NLRC5: variants seen among roughly 807,000 people sequenced by gnomAD.
NLRC5 encodes NLR family CARD domain containing 5, also known as protein NLRC5.
NLRC5 carries 114 observed loss-of-function variants against 206.9 expected under a neutral mutation model. The ratio of observed to expected loss-of-function variants is 0.55; its 90% confidence interval spans 0.47 to 0.64. NLRC5 has a LOEUF of 0.64. NLRC5 is among the 30% of genes least tolerant of loss of function. NLRC5 has a pLI of 0.00. For missense variants in NLRC5, 2,008 were observed against 2,305.5 expected (o/e 0.87, Z 2.64); for synonymous variants, 952 against 962.8 (o/e 0.99, Z 0.21).
At chr16:57,011,412 CA>C (rs34846080) in intron 1 of NLRC5, among the ~76,000 whole-genome samples, 25,530 of 120,538 alleles carry the variant, frequency 0.21, 2,533 homozygotes, top group East Asian at 0.29. Flanking sequence ...GACTCCGTCT[CA>C]AAAAAAAAAA....
intron 22 of NLRC5, 82 bp from the exon 23 acceptor site, chr16:57,047,463 G>T: frequency 8.1e-7 from 1 of 1,230,960 alleles, no homozygotes. Context: ...GAGGGATGCT[G>T]GGAGAAGGAT....
chr16:57,047,581 C>A lies in NLRC5; in HGVS notation c.3375C>A (p.Thr1125=). 1 of 1,613,656 alleles carries A rather than the reference C, an allele frequency of 6.2e-7. No individual in the cohort carries two copies. Among genetic ancestry groups the A allele is most frequent in the Non-Finnish European group, 8.5e-7 (1 of 1,179,808 alleles). ...SECPLEPPSL[T]RLCATLKDCP... ...GTCCTCTGGAGCCCCCAAGCCTCACCCGCCTCTGTGCCACTCTGAAGGACT... is the reference window on the plus strand; with the variant it reads ...GTCCTCTGGAGCCCCCAAGCCTCACACGCCTCTGTGCCACTCTGAAGGACT... Residue 1125 remains threonine, a synonymous_variant, in exon 23 of 49, where the codon ACC becomes ACA. Transcript: ENST00000688547.
intron 24 of NLRC5, among the ~76,000 whole-genome samples, chr16:57,052,238 C>A (rs1173253445): frequency 2.6e-5 from 4 of 152,116 alleles, no homozygotes; most frequent in African/African-American, 9.7e-5. Flanking sequence ...TTTGGGAGGC[C>A]GAGGCGGGCA....
At position 57,079,152 on chromosome 16, in the gene NLRC5, G is replaced by T. The variant is rs756863589; in HGVS notation, c.5165+19G>T. On this transcript the variant is annotated intron_variant, in intron 44 of 48. Coordinates refer to ENST00000688547, the MANE Select transcript of NLRC5 (RefSeq NM_001384950.1). ...AGATCAGGTAAGTAGGGGCTGCCCA[G>T]CCCAGGCACGGGGACAGTCCTGGGC... 3.1e-6 allele frequency: 5 copies of T among 1,614,022 alleles called. No individual in the cohort carries two copies. Among genetic ancestry groups the T allele is most frequent in the Non-Finnish European group, 8.5e-7 (1 of 1,179,956 alleles).
rs1463066922 is a variant in NLRC5 at position 57,031,539 on chromosome 16, G to A, written c.2477+76G>A. The stretch of plus-strand genomic sequence containing the variant: ...GGCTCAGGCAGTTGAGGGGAAAGGT[G>A]ACCAAGAGACTAGGAAGAGCTGGGG... On this transcript the variant is annotated intron_variant, in intron 11 of 48. Transcript: ENST00000688547. 2.9e-6 allele frequency: 4 copies of A among 1,371,130 alleles called. No homozygotes were observed. In the African/African-American group the frequency reaches 4.3e-5, roughly 15 times the overall value. 84.9% of individuals were successfully genotyped at this position (1,371,130 alleles called of 1,614,324 possible). A position where few individuals can be genotyped will look rare whatever the true frequency, so the allele number is the denominator to read the frequency against.
intron 23 of NLRC5, 116 bp from the exon 24 acceptor site, chr16:57,051,422 G>C (rs1173862201): frequency 1.3e-6 from 1 of 745,692 alleles, no homozygotes; most frequent in Non-Finnish European, 2.4e-6. Context: ...TGCTGGGAGG[G>C]AATGTTTCAG....
intron 40 of NLRC5, 87 bp from the exon 41 acceptor site, chr16:57,077,209 G>A: frequency 2.4e-6 from 3 of 1,231,582 alleles, no homozygotes; most frequent in Non-Finnish European, 3.6e-6. Flanking sequence ...CCCTTCCTGG[G>A]ACTTCAGCCT....
chr16:57,021,051 T>C (rs2060615339), intron 3 of NLRC5, 44 bp downstream of exon 3: 1 of 1,587,134 alleles, frequency 6.3e-7, no homozygotes, highest in Non-Finnish European at 8.6e-7. Context: ...GGCCAGTACC[T>C]GCGTCATGGG....
chr16:56,993,459 C>T (rs80103996), intron 1 of NLRC5, among the ~76,000 whole-genome samples: 6,549 of 152,028 alleles, frequency 0.043, 219 homozygotes, highest in South Asian at 0.11. Context: ...ATTTTTCATA[C>T]GTGGGAGTGA....
At chr16:57,069,782 T>C (rs1486775773) in intron 36 of NLRC5, 54 bp from the exon 37 acceptor site, 3 of 1,463,456 alleles carry the variant, frequency 2.0e-6, no homozygotes, top group Non-Finnish European at 2.8e-6. Context: ...CATTCAGAGC[T>C]CCCAAGACCC....
Position 57,074,645 on chromosome 16 carries a change from T to C in NLRC5, c.4713T>C (p.Thr1571=). ...LLNSSTLALL[T]HRLSQMTCLQ... ...ACAGCTCCACCTTGGCCTTGCTTAC[T>C]CACAGACTAAGCCAGATGACCTGCC... The change falls in exon 39 of 49, where the codon ACT becomes ACC. Residue 1571 remains threonine (T), a synonymous_variant. Coordinates refer to ENST00000688547, the MANE Select transcript of NLRC5 (RefSeq NM_001384950.1). 1 of 1,613,934 alleles carries C rather than the reference T, an allele frequency of 6.2e-7. No homozygotes were observed. The highest frequency in any genetic ancestry group is 1.1e-5 in the South Asian group (1 of 91,084).
rs776063441 is a variant in NLRC5, at chr16:57,058,050, C to T, written c.3747-15C>T. 1.9e-6 allele frequency: 3 copies of T among 1,608,464 alleles called. No homozygotes were observed. Among genetic ancestry groups the T allele is most frequent in the Non-Finnish European group, 2.5e-6 (3 of 1,176,922 alleles). On this transcript the variant is annotated splice_polypyrimidine_tract_variant and intron_variant, in intron 27 of 48. Transcript: ENST00000688547. ...GGCACCTCTGATCCCCGCCACTGCT[C>T]CTTACCCCCTACAGTCTCTCAGCAA...
At chr16:56,999,634 C>T (rs1214790337) in intron 1 of NLRC5, among the ~76,000 whole-genome samples, 1 of 152,244 alleles carries the variant, frequency 6.6e-6, no homozygotes, top group African/African-American at 2.4e-5. Context: ...AGAGTTGGGG[C>T]ACGAGGTGCC....
At chr16:57,080,878 ACAACGT>A in intron 46 of NLRC5, 1 of 538,898 alleles carries the variant, frequency 1.9e-6, no homozygotes, top group South Asian at 2.5e-5. Context: ...CATCTTGTGA[ACAACGT>A]CATGATTCAA....
At chr16:57,042,922 A>G (rs1331726917) in intron 19 of NLRC5, among the ~76,000 whole-genome samples, 1 of 152,142 alleles carries the variant, frequency 6.6e-6, no homozygotes, top group East Asian at 1.9e-4. Context: ...GAAGGAAGGA[A>G]GGTCTAACCA....
chr16:57,066,558 C>T lies in NLRC5; in HGVS notation c.4266C>T (p.Leu1422=). The T allele has an allele frequency of 6.2e-7, 1 of 1,614,084 alleles. No homozygotes were observed. The highest frequency in any genetic ancestry group is 8.5e-7 in the Non-Finnish European group (1 of 1,180,016). ...GCATCTCCGAGACCCAGCAGCAGCT[C>T]TGTGTCCAGCTGGAATTTCCTCGCC... ...EISISETQQQ[L]CVQLEFPRQE... The change falls in exon 34 of 49, where the codon CTC becomes CTT. Residue 1422 remains leucine (L), a synonymous_variant. Transcript: ENST00000688547.
intron 39 of NLRC5, 51 bp from the exon 40 acceptor site, chr16:57,076,768 A>C: frequency 1.3e-6 from 2 of 1,535,592 alleles, no homozygotes; most frequent in East Asian, 2.2e-5. Context: ...CAGCACCTGC[A>C]AAGGCCTTTA....
At chr16:57,049,518 A>G (rs1349753194) in intron 23 of NLRC5, among the ~76,000 whole-genome samples, 2 of 151,854 alleles carry the variant, frequency 1.3e-5, no homozygotes, top group African/African-American at 4.8e-5. Flanking sequence ...TGGCTGGATC[A>G]TGAGGTCAGG....
chr16:57,066,693 C>T (rs2067119594), intron 34 of NLRC5, 79 bp downstream of exon 34: 2 of 1,273,750 alleles, frequency 1.6e-6, no homozygotes, highest in African/African-American at 1.5e-5. Context: ...CAATATTCAC[C>T]ACCCTGCCCA....
Sources: allele counts gnomAD v4.1 joint callset (sites outside exome capture counted in the v4.1 genomes callset), GRCh38; gene constraint gnomAD v4.1.1; transcripts MANE v1.5; gene names NCBI Gene and HGNC (gene_info 2026-07-23, HGNC 2026-07-21).